MAST4: variants seen among roughly 807,000 people sequenced by gnomAD.
The protein encoded by MAST4 is microtubule-associated serine/threonine-protein kinase 4.
In MAST4, 89 loss-of-function variants were observed where a neutral mutation model predicts 162.7. The observed-to-expected ratio is 0.55, with a 90% confidence interval of 0.46 to 0.65. The LOEUF (loss-of-function observed/expected upper bound fraction) is 0.65, where lower values mean the gene tolerates loss of function less well. Among genes scored for constraint, MAST4 ranks in the 30% least tolerant of loss-of-function variants. MAST4 has a pLI of 0.00. For synonymous variants in MAST4, 1,479 were observed against 1,361.1 expected, an observed-to-expected ratio of 1.09 and a Z score of -1.91; for missense variants, 3,153 against 3,374.0, an observed-to-expected ratio of 0.93 and a Z score of 1.62.
At chr5:66,711,138 T>C (rs952518890) in intron 1 of MAST4, among the ~76,000 whole-genome samples, 2 of 152,232 alleles carry the variant, frequency 1.3e-5, no homozygotes, top group Admixed American at 1.3e-4. Context: ...GCTGCGTCCA[T>C]GAGGATCATC....
intron 4 of MAST4, chr5:66,986,520 C>T (rs966203607): frequency 6.5e-7 from 1 of 1,527,464 alleles, no homozygotes; most frequent in Non-Finnish European, 8.8e-7. Flanking sequence ...ATATCCAAAG[C>T]TCATATTGTT....
At chr5:67,055,153 A>T (rs1175286608) in intron 5 of MAST4, among the ~76,000 whole-genome samples, 2 of 152,100 alleles carry the variant, frequency 1.3e-5, no homozygotes, top group Admixed American at 1.3e-4. Flanking sequence ...GCTGGTAGAG[A>T]TGGAGTGAGA....
At chr5:66,922,886 C>G (rs557409676) in intron 4 of MAST4, among the ~76,000 whole-genome samples, 2 of 152,292 alleles carry the variant, frequency 1.3e-5, no homozygotes, top group African/African-American at 4.8e-5. Flanking sequence ...TTTAGGGCGG[C>G]ACATGTTCCC....
In MAST4 at chr5:66,689,418, A is replaced by T. The variant is rs140039632; in HGVS notation, c.364-70291A>T. On this transcript the variant is annotated intron_variant, in intron 1 of 28. Coordinates refer to ENST00000403625, the MANE Select transcript of MAST4 (RefSeq NM_001164664.2). ...TAAACTGAGCCCTCATCCACAATTT[A>T]GTGCTTTTGCCTACTCTTGCCATTC... 5.3e-3 allele frequency among the ~76,000 whole-genome samples: 801 copies of T among 152,298 alleles called. 3 individuals carry two copies. The highest frequency in any genetic ancestry group is 0.018 in the African/African-American group (766 of 41,550).
chr5:66,764,678 A>T (rs1470295859), intron 2 of MAST4, among the ~76,000 whole-genome samples: 1 of 152,212 alleles, frequency 6.6e-6, no homozygotes, highest in Admixed American at 6.5e-5. Flanking sequence ...TAGAATAAGG[A>T]TATAAAGAAG....
At chr5:67,005,275 C>T (rs1581171848) in intron 4 of MAST4, among the ~76,000 whole-genome samples, 1 of 152,132 alleles carries the variant, frequency 6.6e-6, no homozygotes, top group Non-Finnish European at 1.5e-5. Context: ...CCTGGGTAAC[C>T]CTGATAAATG....
intron 9 of MAST4, 88 bp downstream of exon 9, chr5:67,102,699 A>C: frequency 9.9e-7 from 1 of 1,012,798 alleles, no homozygotes; most frequent in South Asian, 1.3e-5. Context: ...TATAGGAAGT[A>C]AGGGTCCAAT....
rs1759130616 is a variant in MAST4 at position 66,849,360 on chromosome 5, GT to G, written c.643-50589del. 2.6e-5 allele frequency among the ~76,000 whole-genome samples: 4 copies of G among 152,134 alleles called. No homozygotes were observed. In the South Asian group the frequency reaches 8.3e-4, roughly 32 times the overall value. On this transcript the variant is annotated intron_variant, in intron 3 of 28. Coordinates refer to ENST00000403625, the MANE Select transcript of MAST4 (RefSeq NM_001164664.2). ...CTCCTCCTGAGGAGTCTCTCCGTTT[GT>G]TGGCTGGTTCTCCTTCCTTCTGCAT...
intron 3 of MAST4, among the ~76,000 whole-genome samples, chr5:66,821,177 G>C (rs1251442714): frequency 6.6e-6 from 1 of 152,214 alleles, no homozygotes; most frequent in Non-Finnish European, 1.5e-5. Context: ...GAAGGTGTTA[G>C]ACCCTCTCTT....
At chr5:66,671,773 CAA>C (rs1389713805) in intron 1 of MAST4, among the ~76,000 whole-genome samples, 1 of 152,120 alleles carries the variant, frequency 6.6e-6, no homozygotes, top group Non-Finnish European at 1.5e-5. Flanking sequence ...TGATCTTACA[CAA>C]AGTCCAAGTT....
intron 1 of MAST4, among the ~76,000 whole-genome samples, chr5:66,627,439 GGAA>G (rs762764576): frequency 1.3e-5 from 2 of 152,134 alleles, no homozygotes; most frequent in African/African-American, 2.4e-5. Context: ...GGTGTTTTGA[GGAA>G]GAAGATGTGA....
intron 1 of MAST4, among the ~76,000 whole-genome samples, chr5:66,727,113 A>G (rs545543052): frequency 3.3e-5 from 5 of 152,140 alleles, no homozygotes; most frequent in Non-Finnish European, 5.9e-5. Flanking sequence ...TGGTGGTTGC[A>G]TGTAAGGGAT....
chr5:66,936,475 G>A (rs1742763600), intron 4 of MAST4, among the ~76,000 whole-genome samples: 1 of 152,226 alleles, frequency 6.6e-6, no homozygotes, highest in African/African-American at 2.4e-5. Flanking sequence ...AAGGGAGATA[G>A]GGGTGGGGCC....
chr5:66,621,969 A>G (rs908120555), intron 1 of MAST4, among the ~76,000 whole-genome samples: 1 of 152,178 alleles, frequency 6.6e-6, no homozygotes. Context: ...CAATACGTCC[A>G]TGAAAGGATA....
At chr5:66,652,179 A>C (rs1746268934) in intron 1 of MAST4, among the ~76,000 whole-genome samples, 1 of 152,108 alleles carries the variant, frequency 6.6e-6, no homozygotes, top group Non-Finnish European at 1.5e-5. Context: ...AAAGAAGTTA[A>C]ATTATTTGTT....
At chr5:67,142,819 G>A (rs532245543) in intron 21 of MAST4, 7 of 279,392 alleles carry the variant, frequency 2.5e-5, no homozygotes, top group African/African-American at 1.1e-4. Flanking sequence ...CAGGAACCCC[G>A]GCACCAATAT....
intron 3 of MAST4, chr5:66,870,870 C>A (rs746390971): frequency 2.1e-6 from 1 of 471,286 alleles, no homozygotes; most frequent in Non-Finnish European, 4.4e-6. Flanking sequence ...TGTCCTGTTG[C>A]CCTGGGCAAC....
intron 3 of MAST4, among the ~76,000 whole-genome samples, chr5:66,848,749 C>T (rs1427573812): frequency 1.3e-5 from 2 of 152,112 alleles, no homozygotes; most frequent in Non-Finnish European, 2.9e-5. Context: ...TAGTTTTCTT[C>T]CTCTTCTCTC....
At chr5:66,613,237 T>C (rs1036011540) in intron 1 of MAST4, among the ~76,000 whole-genome samples, 1 of 152,096 alleles carries the variant, frequency 6.6e-6, no homozygotes, top group Admixed American at 6.5e-5. Flanking sequence ...ATCTAAGTCA[T>C]TGTCTAAGGA....
Sources: gnomAD v4.1 joint callset for allele counts (sites outside exome capture counted in the v4.1 genomes callset) on GRCh38, gnomAD v4.1.1 for gene constraint, MANE v1.5 for transcripts, NCBI Gene and HGNC (gene_info 2026-07-23, HGNC 2026-07-21) for gene names.